Variants in GRHL2 observed in about 807,000 individuals in gnomAD.
GRHL2 encodes the protein grainyhead-like protein 2 homolog.
In GRHL2, 21 loss-of-function variants were observed where a neutral mutation model predicts 83.8. The observed-to-expected ratio is 0.25, with a 90% CI of 0.18 to 0.36. The LOEUF (loss-of-function observed/expected upper bound fraction) is 0.36, where lower values mean the gene tolerates loss of function less well. Among genes scored for constraint, GRHL2 ranks in the 10% least tolerant of loss-of-function variants. The pLI is 1.00. For missense variants in GRHL2, 623 were observed against 781.8 expected (o/e 0.80, Z 2.42); for synonymous variants, 280 against 278.9 (o/e 1.00, Z -0.04).
At chr8:101,656,776 G>A (rs918762305) in intron 14 of GRHL2, among the ~76,000 whole-genome samples, 1 of 152,200 alleles carries the variant, frequency 6.6e-6, no homozygotes, top group Non-Finnish European at 1.5e-5. Flanking sequence ...TATACATGGT[G>A]CTTAAAGTAA....
At chr8:101,555,135 T>C (rs1267138344) in intron 3 of GRHL2, among the ~76,000 whole-genome samples, 2 of 152,252 alleles carry the variant, frequency 1.3e-5, no homozygotes, top group Admixed American at 1.3e-4. Context: ...TTGCCCCAAA[T>C]GGACTCTAAC....
chr8:101,652,396 TGTCTG>T (rs1813661350), intron 14 of GRHL2, among the ~76,000 whole-genome samples: 2 of 55,128 alleles, frequency 3.6e-5, no homozygotes, highest in African/African-American at 1.8e-4. Flanking sequence ...TGTGTGTGTG[TGTCTG>T]GTGTGTGTGT....
chr8:101,532,830 A>G (rs974661629), intron 1 of GRHL2, among the ~76,000 whole-genome samples: 1 of 151,740 alleles, frequency 6.6e-6, no homozygotes, highest in African/African-American at 2.4e-5. Flanking sequence ...TGTGTGAGAG[A>G]GAGATAGAGA....
chr8:101,509,609 C>T (rs1418507070), intron 1 of GRHL2, among the ~76,000 whole-genome samples: 1 of 152,110 alleles, frequency 6.6e-6, no homozygotes, highest in African/African-American at 2.4e-5. Context: ...CTATTTTCTT[C>T]AATTTTCCTC....
At chr8:101,591,456 A>G (rs1812279859) in intron 7 of GRHL2, among the ~76,000 whole-genome samples, 1 of 152,174 alleles carries the variant, frequency 6.6e-6, no homozygotes, top group Admixed American at 6.5e-5. Flanking sequence ...GGAATTTGCA[A>G]TGATCCCAAA....
chr8:101,594,664 A>G (rs1248025733), intron 7 of GRHL2, among the ~76,000 whole-genome samples: 1 of 152,250 alleles, frequency 6.6e-6, no homozygotes, highest in East Asian at 1.9e-4. Flanking sequence ...CACAAAGGGT[A>G]GAGATGAGCA....
intron 13 of GRHL2, among the ~76,000 whole-genome samples, chr8:101,648,013 T>C (rs1813547925): frequency 6.6e-6 from 1 of 152,186 alleles, no homozygotes; most frequent in Admixed American, 6.5e-5. Context: ...TTTTTTGCCT[T>C]GTGCATTTTC....
chr8:101,543,239 A>G lies in GRHL2; in HGVS notation c.21-2A>G, dbSNP rs1811191593. The G allele has an allele frequency of 2.5e-6, 4 of 1,612,940 alleles. No homozygotes were observed. Among genetic ancestry groups the G allele is most frequent in the Admixed American group, 1.7e-5 (1 of 60,014 alleles). On this transcript the variant is annotated splice_acceptor_variant, in intron 1 of 15. Transcript: ENST00000646743. LOFTEE classifies it high-confidence loss of function. ...AACCTCACATTTCTCTTGTTTTTAC[A>G]GTAATAAAAGACTAGTGGCCTTAGT...
chr8:101,653,945 C>G (rs1035523841), intron 14 of GRHL2, among the ~76,000 whole-genome samples: 1 of 152,218 alleles, frequency 6.6e-6, no homozygotes, highest in Non-Finnish European at 1.5e-5. Flanking sequence ...TAAGGTCCTA[C>G]ATGCATTATT....
chr8:101,582,379 G>C lies in GRHL2; in HGVS notation c.1003+4860G>C, dbSNP rs182686412. Among the ~76,000 whole-genome samples, 284 of 152,310 alleles carry C rather than the reference G, an allele frequency of 1.9e-3. 1 individual carries two copies. The highest frequency in any genetic ancestry group is 6.4e-3 in the African/African-American group (266 of 41,574). On this transcript the variant is annotated intron_variant, in intron 7 of 15. Transcript: ENST00000646743. Reference sequence around the variant, plus strand: ...TGATTTGACCCATGCAGAGAGTAGGGTTAAGGAAGGGAGTCCTCAGTACAT... The same window carrying C: ...TGATTTGACCCATGCAGAGAGTAGGCTTAAGGAAGGGAGTCCTCAGTACAT...
chr8:101,614,587 A>G (rs1174962713), intron 8 of GRHL2, among the ~76,000 whole-genome samples: 1 of 152,188 alleles, frequency 6.6e-6, no homozygotes, highest in Non-Finnish European at 1.5e-5. Context: ...CATTTGGATG[A>G]ACATTTGGTA....
At chr8:101,530,698 A>G (rs1810905667) in intron 1 of GRHL2, among the ~76,000 whole-genome samples, 1 of 152,132 alleles carries the variant, frequency 6.6e-6, no homozygotes, top group Non-Finnish European at 1.5e-5. Flanking sequence ...TGTACTCTCT[A>G]GATTGTTCCA....
intron 4 of GRHL2, among the ~76,000 whole-genome samples, chr8:101,562,937 C>A (rs1402518954): frequency 6.6e-6 from 1 of 152,188 alleles, no homozygotes; most frequent in Non-Finnish European, 1.5e-5. Flanking sequence ...CTTTAGCCTG[C>A]TGCCTATTTA....
chr8:101,499,072 CAAAA>C (rs397965242), intron 1 of GRHL2, among the ~76,000 whole-genome samples: 2 of 91,320 alleles, frequency 2.2e-5, no homozygotes, highest in Admixed American at 1.2e-4. Context: ...GACTCCGTCT[CAAAA>C]AAAAAAAAAA....
At chr8:101,649,606 A>G (rs569967015) in intron 14 of GRHL2, 107 bp downstream of exon 14, 3 of 809,332 alleles carry the variant, frequency 3.7e-6, no homozygotes, top group Non-Finnish European at 6.4e-6. Flanking sequence ...AATGAGCTTT[A>G]TACAGAACAA....
chr8:101,558,821 C>T lies in GRHL2; in HGVS notation c.678+9C>T, dbSNP rs1392803557. The T allele has an allele frequency of 6.2e-6, 10 of 1,613,440 alleles. No individual in the cohort carries two copies. The highest frequency in any genetic ancestry group is 8.5e-6 in the Non-Finnish European group (10 of 1,179,772). On this transcript the variant is annotated intron_variant, in intron 4 of 15. Coordinates refer to ENST00000646743, the MANE Select transcript of GRHL2 (RefSeq NM_024915.4). ...AGGACGCAGCCACAGAGGTGAGTCC[C>T]AGGCTCCATCGACGGCCAGAACCCA...
At chr8:101,505,349 G>A (rs554461340) in intron 1 of GRHL2, among the ~76,000 whole-genome samples, 3 of 152,190 alleles carry the variant, frequency 2.0e-5, no homozygotes, top group South Asian at 2.1e-4. Flanking sequence ...AGGCCGAGGC[G>A]GGTGGATCAC....
chr8:101,582,575 G>A (rs951182003), intron 7 of GRHL2, among the ~76,000 whole-genome samples: 3 of 152,204 alleles, frequency 2.0e-5, no homozygotes, highest in Admixed American at 1.3e-4. Context: ...AGCCCAGGAA[G>A]GATTCTAGGG....
intron 12 of GRHL2, among the ~76,000 whole-genome samples, chr8:101,638,309 G>A (rs1813329995): frequency 6.6e-6 from 1 of 152,106 alleles, no homozygotes; most frequent in Non-Finnish European, 1.5e-5. Flanking sequence ...ACCAAATCAG[G>A]CCCACCGCCT....
Sources: allele counts gnomAD v4.1 joint callset (sites outside exome capture counted in the v4.1 genomes callset), GRCh38; gene constraint gnomAD v4.1.1; transcripts MANE v1.5; gene names NCBI Gene and HGNC (gene_info 2026-07-23, HGNC 2026-07-21).